The following ITGA8 variants were observed in gnomAD, a reference collection of about 807,000 sequenced individuals.
The protein encoded by ITGA8 is integrin alpha-8.
In ITGA8, 91 loss-of-function variants were observed where a neutral mutation model predicts 142.3. That is an observed-to-expected ratio of 0.64 (90% CI 0.54 to 0.76). The LOEUF (loss-of-function observed/expected upper bound fraction) is 0.76, where lower values mean the gene tolerates loss of function less well. Ranked by LOEUF, ITGA8 falls within the 30% of genes least tolerant of loss-of-function variation. ITGA8 has a pLI of 0.00. For synonymous variants in ITGA8, 505 were observed against 485.2 expected, an observed-to-expected ratio of 1.04 and a Z score of -0.54; for missense variants, 1,406 against 1,327.7, an observed-to-expected ratio of 1.06 and a Z score of -0.92.
chr10:15,584,062 C>A (rs1439601066), intron 23 of ITGA8, among the ~76,000 whole-genome samples: 5 of 152,026 alleles, frequency 3.3e-5, no homozygotes, highest in Admixed American at 3.3e-4. Flanking sequence ...TTTGGGAGAC[C>A]AAGGCAGGTG....
intron 28 of ITGA8, among the ~76,000 whole-genome samples, chr10:15,526,075 C>G (rs190738260): frequency 6.6e-6 from 1 of 152,280 alleles, no homozygotes; most frequent in African/African-American, 2.4e-5. Context: ...TTCAGTTCCA[C>G]TAGCCAAATA....
chr10:15,584,733 T>C (rs1459767463), intron 23 of ITGA8, among the ~76,000 whole-genome samples: 1 of 152,142 alleles, frequency 6.6e-6, no homozygotes, highest in African/African-American at 2.4e-5. Context: ...TGCATTTTCA[T>C]CCAGAGTAGA....
intron 14 of ITGA8, 67 bp downstream of exon 14, chr10:15,616,447 G>A: frequency 8.4e-7 from 1 of 1,189,610 alleles, no homozygotes; most frequent in Non-Finnish European, 1.3e-6. Context: ...CTCTCTTTAA[G>A]GCAGAACTAA....
chr10:15,585,403 T>A (rs986545140), intron 23 of ITGA8, among the ~76,000 whole-genome samples: 16 of 152,326 alleles, frequency 1.1e-4, no homozygotes, highest in Non-Finnish European at 1.8e-4. Flanking sequence ...GAACAGTGTA[T>A]GTTAGACATT....
At chr10:15,645,678 C>T (rs908181442) in intron 12 of ITGA8, among the ~76,000 whole-genome samples, 1 of 152,236 alleles carries the variant, frequency 6.6e-6, no homozygotes. Context: ...TGAATACTTC[C>T]AAGGCTACTT....
In ITGA8 at chr10:15,719,827, C is replaced by A. The variant is rs967520033; in HGVS notation, c.-56G>T. 19 of 1,239,940 alleles carry A rather than the reference C, an allele frequency of 1.5e-5. No individual in the cohort carries two copies. Among genetic ancestry groups the A allele is most frequent in the Non-Finnish European group, 1.9e-5 (19 of 974,388 alleles). 76.8% of individuals were successfully genotyped at this position (1,239,940 alleles called of 1,614,324 possible). The stretch of plus-strand genomic sequence containing the variant: ...CAGGAGCGCGAGCCGAGGACCCCTG[C>A]GGGGCAAGGGGGGCTGGTGGAATCT... On this transcript the variant is annotated 5_prime_UTR_variant, in exon 1 of 30. Transcript: ENST00000378076.
chr10:15,573,197 A>G (rs1319530186), intron 24 of ITGA8, among the ~76,000 whole-genome samples: 1 of 152,226 alleles, frequency 6.6e-6, no homozygotes, highest in Non-Finnish European at 1.5e-5. Flanking sequence ...TTGATATAGT[A>G]TATTTTGAGT....
chr10:15,533,689 C>T (rs959012486), intron 27 of ITGA8, among the ~76,000 whole-genome samples: 5 of 152,192 alleles, frequency 3.3e-5, no homozygotes, highest in Admixed American at 3.3e-4. Flanking sequence ...AAAACTGCAT[C>T]TCTGCATCAA....
intron 29 of ITGA8, among the ~76,000 whole-genome samples, chr10:15,518,317 T>C (rs533182141): frequency 1.3e-5 from 2 of 152,324 alleles, no homozygotes; most frequent in East Asian, 3.9e-4. Flanking sequence ...ATCCTGTCAA[T>C]TGGCACACAT....
chr10:15,657,509 CATTTTTTTTT>C (rs1244648398), intron 10 of ITGA8, among the ~76,000 whole-genome samples: 1 of 116,500 alleles, frequency 8.6e-6, no homozygotes, highest in Non-Finnish European at 1.8e-5. Context: ...TCTTTTCTTT[CATTTTTTTTT>C]TTTTTTTTTT....
intron 13 of ITGA8, among the ~76,000 whole-genome samples, chr10:15,625,561 T>G (rs569458177): frequency 6.6e-5 from 10 of 152,322 alleles, no homozygotes; most frequent in African/African-American, 2.4e-4. Context: ...GCGTGATAGC[T>G]CACAAAGATG....
intron 28 of ITGA8, 102 bp from the exon 29 acceptor site, chr10:15,519,514 C>T: frequency 1.6e-6 from 2 of 1,251,822 alleles, no homozygotes; most frequent in East Asian, 2.3e-5. Flanking sequence ...TGAAAGGATC[C>T]ATATGACAAT....
At chr10:15,638,970 A>G (rs1454186748) in intron 13 of ITGA8, among the ~76,000 whole-genome samples, 1 of 152,012 alleles carries the variant, frequency 6.6e-6, no homozygotes, top group Non-Finnish European at 1.5e-5. Context: ...CTACAAAAAA[A>G]ATCAAAAAAT....
chr10:15,551,976 A>G (rs1298827989), intron 26 of ITGA8, among the ~76,000 whole-genome samples: 1 of 152,164 alleles, frequency 6.6e-6, no homozygotes, highest in African/African-American at 2.4e-5. Context: ...ATTATCTTAC[A>G]TCAACATTTA....
At chr10:15,624,780 C>G (rs1833552273) in intron 13 of ITGA8, among the ~76,000 whole-genome samples, 1 of 152,160 alleles carries the variant, frequency 6.6e-6, no homozygotes, top group African/African-American at 2.4e-5. Flanking sequence ...AAGGTTGGCT[C>G]ACTTTCATAC....
intron 2 of ITGA8, among the ~76,000 whole-genome samples, chr10:15,696,035 T>C (rs952211177): frequency 6.6e-6 from 1 of 152,204 alleles, no homozygotes; most frequent in African/African-American, 2.4e-5. Flanking sequence ...CTAGTTGTAA[T>C]ACTCAATGTG....
At chr10:15,695,315 C>T (rs949640319) in intron 2 of ITGA8, among the ~76,000 whole-genome samples, 33 of 152,100 alleles carry the variant, frequency 2.2e-4, no homozygotes, top group Admixed American at 1.3e-4. Flanking sequence ...TCTCATTGAC[C>T]TTTGAAGTCA....
intron 8 of ITGA8, among the ~76,000 whole-genome samples, chr10:15,665,254 C>A (rs928589305): frequency 4.6e-5 from 7 of 152,192 alleles, no homozygotes; most frequent in Non-Finnish European, 8.8e-5. Flanking sequence ...ATTTGCATTT[C>A]TCTGATGGCC....
rs1276881903 is a variant in ITGA8 at position 15,575,491 on chromosome 10, C to T, written c.2476G>A (p.Glu826Lys). Residue 826 changes from glutamate to lysine, a missense_variant and splice_region_variant, in exon 24 of 30, where the codon GAG becomes AAG. By Grantham distance (56) the Glu-to-Lys change is moderately conservative (BLOSUM62 1). Transcript: ENST00000378076. ...EVGPLVEHIYELHNIGPSTIS... is the reference protein window; with the variant it reads ...EVGPLVEHIYKLHNIGPSTIS... ...ACTTTAACACAGACAATGGCTACCTCATAAATATGTTCCACCAATGGTCCA... is the reference window on the plus strand; with the variant it reads ...ACTTTAACACAGACAATGGCTACCTTATAAATATGTTCCACCAATGGTCCA... The T allele has an allele frequency of 6.2e-7, 1 of 1,608,814 alleles. No individual in the cohort carries two copies. The highest frequency in any genetic ancestry group is 1.3e-5 in the African/African-American group (1 of 74,810).
Sources: gnomAD v4.1 joint callset for allele counts (sites outside exome capture counted in the v4.1 genomes callset) on GRCh38, gnomAD v4.1.1 for gene constraint, MANE v1.5 for transcripts, NCBI Gene and HGNC (gene_info 2026-07-23, HGNC 2026-07-21) for gene names.